Variants in PISD observed in about 807,000 individuals in gnomAD.
PISD encodes the protein phosphatidylserine decarboxylase.
PISD carries 31 observed loss-of-function variants against 43.5 expected under a neutral mutation model. That is an observed-to-expected ratio of 0.71 (90% confidence interval 0.54 to 0.96). The LOEUF is 0.96. Ranked by LOEUF, PISD falls within the 40% of genes least tolerant of loss-of-function variation. PISD has a pLI of 0.00. For synonymous variants in PISD, 259 were observed against 228.7 expected (o/e 1.13, Z -1.20); for missense variants, 523 against 548.4 (o/e 0.95, Z 0.46).
chr22:31,662,264 A>C (rs2074344873), upstream of PISD: 1 of 1,549,170 alleles, frequency 6.5e-7, no homozygotes. Flanking sequence ...GCGCACGCTT[A>C]AGGCGTCACG....
rs896916360 is a variant in PISD at position 31,629,019 on chromosome 22, G to C, written c.322-7134C>G. ...AACAATGGCTGATAGGACCGTATAG[G>C]GGGTAGGGGAACACCTTTGTCAGGA... On this transcript the variant is annotated intron_variant, in intron 3 of 7. Coordinates refer to ENST00000439502, the MANE Select transcript of PISD (RefSeq NM_001326411.2). The C allele has an allele frequency of 1.3e-5, 13 of 984,600 alleles. No individual in the cohort carries two copies. The African/African-American group carries it at 1.9e-4, about 15-fold the overall frequency. 61.0% of individuals were successfully genotyped at this position (984,600 alleles called of 1,614,324 possible).
intron 3 of PISD, chr22:31,623,935 G>T: frequency 7.8e-7 from 1 of 1,287,718 alleles, no homozygotes; most frequent in Non-Finnish European, 1.1e-6. Context: ...CCCAGGGCAG[G>T]ATTCCTCCTG....
intron 1 of PISD, 25 bp downstream of exon 1, chr22:31,662,119 A>G (rs138739243): frequency 9.3e-5 from 149 of 1,602,656 alleles, no homozygotes; most frequent in Middle Eastern, 8.3e-4. Context: ...CCACGCCCCA[A>G]GGTAGTCTCT....
chr22:31,650,317 A>C (rs560985217), intron 2 of PISD, among the ~76,000 whole-genome samples: 9 of 152,124 alleles, frequency 5.9e-5, no homozygotes, highest in Non-Finnish European at 1.3e-4. Context: ...ATCTCTACTA[A>C]AAATACACAA....
At chr22:31,623,145 T>C (rs1319508863) in intron 3 of PISD, among the ~76,000 whole-genome samples, 2 of 152,138 alleles carry the variant, frequency 1.3e-5, no homozygotes, top group African/African-American at 4.8e-5. Flanking sequence ...TCAACCTGCC[T>C]GGGAAGCCAA....
chr22:31,656,623 G>C (rs1294515402), intron 1 of PISD, among the ~76,000 whole-genome samples: 2 of 151,566 alleles, frequency 1.3e-5, no homozygotes, highest in Non-Finnish European at 2.9e-5. Context: ...ACTCCAGCCT[G>C]GGTGACAGAG....
intron 1 of PISD, among the ~76,000 whole-genome samples, chr22:31,658,211 A>G (rs2074230586): frequency 1.3e-5 from 2 of 152,188 alleles, no homozygotes; most frequent in South Asian, 2.1e-4. Context: ...TGCATTCTAC[A>G]TCGCATCCTT....
chr22:31,662,064 A>C, intron 1 of PISD, 80 bp downstream of exon 1: 1 of 1,325,102 alleles, frequency 7.5e-7, no homozygotes, highest in Non-Finnish European at 1.1e-6. Flanking sequence ...CGAGCCCGCG[A>C]CACAGAAACA....
At chr22:31,621,572 G>C (rs780689748) in intron 4 of PISD, 77 bp downstream of exon 4, 2 of 1,591,460 alleles carry the variant, frequency 1.3e-6, no homozygotes, top group East Asian at 4.5e-5. Context: ...TTCCAGATAC[G>C]CTGGAGACCA....
chr22:31,628,475 C>T (rs926882493), intron 3 of PISD, among the ~76,000 whole-genome samples: 1 of 152,232 alleles, frequency 6.6e-6, no homozygotes, highest in Non-Finnish European at 1.5e-5. Flanking sequence ...CCTTCCCTCC[C>T]TTCTAAGCCT....
At chr22:31,650,206 G>A (rs2073994016) in intron 2 of PISD, among the ~76,000 whole-genome samples, 2 of 152,140 alleles carry the variant, frequency 1.3e-5, no homozygotes, top group South Asian at 2.1e-4. Context: ...GGCCGGGCAC[G>A]GTGGCTCAGG....
At chr22:31,623,681 T>TACCCTGCTTACGGGCCTCCATCCC in intron 3 of PISD, 1 of 1,612,414 alleles carries the variant, frequency 6.2e-7, no homozygotes, top group Non-Finnish European at 8.5e-7. Context: ...TGTGCACACT[T>TACCCTGCTTACGGGCCTCCATCCC]ACCCTGCTTA....
intron 3 of PISD, among the ~76,000 whole-genome samples, chr22:31,641,751 C>G (rs575944818): frequency 6.6e-6 from 1 of 151,012 alleles, no homozygotes; most frequent in African/African-American, 2.5e-5. Flanking sequence ...ACCCGGGAGG[C>G]GCAGGTTGCA....
intron 3 of PISD, among the ~76,000 whole-genome samples, chr22:31,624,140 G>A (rs1348054965): frequency 6.6e-6 from 1 of 152,154 alleles, no homozygotes; most frequent in Non-Finnish European, 1.5e-5. Flanking sequence ...CAAGAGGAGA[G>A]TCAGGCCCAG....
At chr22:31,646,708 A>G (rs2073896714) in intron 3 of PISD, among the ~76,000 whole-genome samples, 1 of 152,092 alleles carries the variant, frequency 6.6e-6, no homozygotes, top group Non-Finnish European at 1.5e-5. Flanking sequence ...TGCTACCTAC[A>G]CTTTACAAGT....
chr22:31,653,780 C>T (rs1256916009), intron 1 of PISD, among the ~76,000 whole-genome samples: 1 of 152,086 alleles, frequency 6.6e-6, no homozygotes, highest in Non-Finnish European at 1.5e-5. Flanking sequence ...GTCAGGAGTT[C>T]GAGACCAGCC....
At chr22:31,619,860 G>C (rs1343929490) in intron 7 of PISD, 24 bp from the exon 8 acceptor site, 2 of 1,532,774 alleles carry the variant, frequency 1.3e-6, no homozygotes, top group Non-Finnish European at 9.0e-7. Context: ...CTGGGGGTCA[G>C]TGGGGCCCAG....
intron 2 of PISD, among the ~76,000 whole-genome samples, chr22:31,649,446 G>A (rs2073976242): frequency 2.0e-5 from 3 of 152,052 alleles, no homozygotes; most frequent in South Asian, 2.1e-4. Context: ...TTAAAATGAG[G>A]TTGCAGGCTG....
chr22:31,653,603 G>A (rs1035885285), intron 1 of PISD, among the ~76,000 whole-genome samples: 1 of 152,160 alleles, frequency 6.6e-6, no homozygotes, highest in Non-Finnish European at 1.5e-5. Context: ...CCAGCTGCTG[G>A]AACAAATACT....
Sources: allele counts gnomAD v4.1 joint callset (sites outside exome capture counted in the v4.1 genomes callset), GRCh38; gene constraint gnomAD v4.1.1; transcripts MANE v1.5; gene names NCBI Gene and HGNC (gene_info 2026-07-23, HGNC 2026-07-21).